The following VPS53 variants were observed in gnomAD, a reference collection of about 807,000 sequenced individuals.
The protein encoded by VPS53 is VPS53 subunit of GARP complex, also known as vacuolar protein sorting-associated protein 53 homolog.
In VPS53, 70 loss-of-function variants were observed where a neutral mutation model predicts 107.0. The ratio of observed to expected loss-of-function variants is 0.65; its 90% confidence interval spans 0.54 to 0.80. VPS53 has a LOEUF of 0.80. Among genes scored for constraint, VPS53 ranks in the 30% least tolerant of loss-of-function variants. The probability of loss-of-function intolerance (pLI) is 0.00; values close to 1 mark genes in which losing one functional copy is unlikely to be tolerated. For missense variants in VPS53, 917 were observed against 1,049.4 expected, an observed-to-expected ratio of 0.87 and a Z score of 1.74; for synonymous variants, 409 against 393.3, an observed-to-expected ratio of 1.04 and a Z score of -0.47.
chr17:563,348 T>C (rs528832092), intron 13 of VPS53, among the ~76,000 whole-genome samples: 21 of 141,878 alleles, frequency 1.5e-4, no homozygotes, highest in Non-Finnish European at 2.5e-4. Flanking sequence ...CAGGCTGGAG[T>C]GCAGCGGCAT....
chr17:699,543 A>G (rs1973117911), intron 2 of VPS53, among the ~76,000 whole-genome samples, 163 bp from the exon 3 acceptor site: 1 of 152,094 alleles, frequency 6.6e-6, no homozygotes, highest in Non-Finnish European at 1.5e-5. Flanking sequence ...CAGTAGTTGG[A>G]AGCTACAGCC....
intron 11 of VPS53, among the ~76,000 whole-genome samples, chr17:611,381 C>A (rs1001993815): frequency 1.3e-5 from 2 of 152,196 alleles, no homozygotes; most frequent in Non-Finnish European, 2.9e-5. Context: ...ATGAAAACCA[C>A]AAGGAGATAC....
At chr17:560,296 G>C (rs547224460) in intron 15 of VPS53, 130 bp downstream of exon 15, 1 of 1,220,002 alleles carries the variant, frequency 8.2e-7, no homozygotes, top group East Asian at 2.6e-5. Context: ...GCTTTCCTCT[G>C]TGGCAGGCCA....
In VPS53 at chr17:562,528, T is replaced by C; in HGVS notation, c.1531A>G (p.Lys511Glu). ...TTGGGCAGGTTGCCAGAGAGGATTT[T>C]CCAGGCGTATTCTCGGAGGTACTTC... Reference protein sequence around the residue: ...FQKYLREYAWKILSGNLPKTT... With the variant: ...FQKYLREYAWEILSGNLPKTT... Residue 511 changes from lysine to glutamate, a missense_variant, in exon 14 of 22, where the codon AAA becomes GAA. Coordinates refer to ENST00000437048, the MANE Select transcript of VPS53 (RefSeq NM_001128159.3). 6.2e-7 allele frequency: 1 copy of C among 1,614,088 alleles called. No individual in the cohort carries two copies.
At chr17:568,683 TG>T (rs1314386777) in intron 13 of VPS53, among the ~76,000 whole-genome samples, 1 of 152,142 alleles carries the variant, frequency 6.6e-6, no homozygotes, top group Non-Finnish European at 1.5e-5. Flanking sequence ...AGCTGGGAGA[TG>T]GGTTACATAC....
intron 5 of VPS53, among the ~76,000 whole-genome samples, chr17:659,010 T>C (rs1482757422): frequency 6.8e-6 from 1 of 147,248 alleles, no homozygotes; most frequent in Non-Finnish European, 1.5e-5. Flanking sequence ...TCCTGTAACC[T>C]CCAAACAATC....
At chr17:699,406 A>C in intron 2 of VPS53, 26 bp from the exon 3 acceptor site, 1 of 1,533,334 alleles carries the variant, frequency 6.5e-7, no homozygotes, top group Non-Finnish European at 8.7e-7. Flanking sequence ...AAGAGTGCCC[A>C]GCTGTTAGTC....
chr17:637,934 C>T (rs537977540), intron 7 of VPS53, among the ~76,000 whole-genome samples: 1 of 152,182 alleles, frequency 6.6e-6, no homozygotes, highest in East Asian at 1.9e-4. Flanking sequence ...CTATTAGGTC[C>T]GTTTGGTGCA....
intron 13 of VPS53, among the ~76,000 whole-genome samples, chr17:572,195 G>A (rs1490103862): frequency 1.1e-4 from 16 of 142,394 alleles, no homozygotes; most frequent in East Asian, 2.1e-4. Context: ...TTGCCCCGCC[G>A]CCCCGTCTGG....
intron 11 of VPS53, among the ~76,000 whole-genome samples, chr17:613,900 A>G (rs941078568): frequency 1.3e-5 from 2 of 152,268 alleles, no homozygotes; most frequent in Admixed American, 1.3e-4. Flanking sequence ...TGGAAGAGAC[A>G]ACAATATGTG....
At chr17:569,637 G>A (rs1913854120) in intron 13 of VPS53, among the ~76,000 whole-genome samples, 1 of 152,142 alleles carries the variant, frequency 6.6e-6, no homozygotes, top group Admixed American at 6.5e-5. Context: ...ATCACCATTT[G>A]ACTGGGCGCG....
rs147479566 is a variant in VPS53, at chr17:645,876, G to A, written c.608+7415C>T. ...GGCTCTTACACACATCTCCGTGACC[G>A]CGTGGTCTCTGCCTGATAAGGGTCT... On this transcript the variant is annotated intron_variant, in intron 7 of 21. Coordinates refer to ENST00000437048, the MANE Select transcript of VPS53 (RefSeq NM_001128159.3). 2.9e-3 allele frequency among the ~76,000 whole-genome samples: 361 copies of A among 122,960 alleles called. 27 individuals carry two copies. Among genetic ancestry groups the A allele is most frequent in the African/African-American group, 8.4e-3 (307 of 36,632 alleles). 80.7% of individuals were successfully genotyped at this position (122,960 alleles called of 152,430 possible).
chr17:517,176 C>A lies in VPS53; in HGVS notation c.*1952G>T, dbSNP rs1055803032. On this transcript the variant is annotated 3_prime_UTR_variant, in exon 22 of 22. Transcript: ENST00000437048. ...GGGCTCTCCCGACTGCCGCCCCCCG[C>A]CCTTGTCTTATTTGGAATCTTTTCC... is the stretch of plus-strand genomic sequence containing the variant. 13 of 330,106 alleles carry A rather than the reference C, an allele frequency of 3.9e-5. No individual in the cohort carries two copies. Among genetic ancestry groups the A allele is most frequent in the African/African-American group, 2.5e-4 (12 of 47,098 alleles). 20.4% of individuals were successfully genotyped at this position (330,106 alleles called of 1,614,324 possible).
At chr17:640,140 G>C (rs1970364371) in intron 7 of VPS53, among the ~76,000 whole-genome samples, 3 of 152,152 alleles carry the variant, frequency 2.0e-5, no homozygotes, top group Admixed American at 6.5e-5. Context: ...CTTGCAGTTT[G>C]ATCTCAGACT....
rs140372039 is a variant in VPS53, at chr17:658,253, G to A, written c.373-2300C>T. ...ACACTCGGCCGTGAGTTCGTGGATA[G>A]ATAACATCCCACTAAAGTGAGAAAC... On this transcript the variant is annotated intron_variant, in intron 5 of 21. Coordinates refer to ENST00000437048, the MANE Select transcript of VPS53 (RefSeq NM_001128159.3). 5.8e-3 allele frequency among the ~76,000 whole-genome samples: 547 copies of A among 94,704 alleles called. 38 individuals are homozygous for A. The highest frequency in any genetic ancestry group is 0.011 in the Non-Finnish European group (414 of 39,012). The allele number at this position is 94,704 out of a possible 152,430, so 62.1% of individuals were successfully genotyped here.
intron 11 of VPS53, among the ~76,000 whole-genome samples, chr17:619,027 GCACACCACCACGCCCCGC>G (rs1438879220): frequency 5.2e-5 from 7 of 134,074 alleles, no homozygotes; most frequent in Non-Finnish European, 7.8e-5. Flanking sequence ...GACTACAGGC[GCACACCACCACGCCCCGC>G]TAATATTTCC....
intron 7 of VPS53, among the ~76,000 whole-genome samples, chr17:648,808 T>A (rs365853): frequency 3.0e-4 from 27 of 90,146 alleles, no homozygotes; most frequent in East Asian, 8.8e-4. Context: ...ATGGAACAGG[T>A]AATGAAGATC....
At chr17:590,681 T>C (rs1454042203) in intron 12 of VPS53, among the ~76,000 whole-genome samples, 1 of 151,558 alleles carries the variant, frequency 6.6e-6, no homozygotes, top group African/African-American at 2.4e-5. Flanking sequence ...GGATTACATT[T>C]ATTGATTTGC....
intron 12 of VPS53, among the ~76,000 whole-genome samples, chr17:588,459 A>T (rs187347322): frequency 2.8e-3 from 431 of 152,106 alleles, no homozygotes; most frequent in African/African-American, 8.1e-3. Flanking sequence ...CTTTAAAAAA[A>T]TTTTTTTTTA....
Sources: allele counts gnomAD v4.1 joint callset (sites outside exome capture counted in the v4.1 genomes callset), GRCh38; gene constraint gnomAD v4.1.1; transcripts MANE v1.5; gene names NCBI Gene and HGNC (gene_info 2026-07-23, HGNC 2026-07-21).